EYS: variants seen among roughly 807,000 people sequenced by gnomAD.
EYS encodes EGF-like photoreceptor maintenance factor.
Under a neutral mutation model 282.1 loss-of-function variants are expected in EYS, and 250 were observed. The observed-to-expected ratio is 0.89, with a 90% CI of 0.80 to 0.98. EYS has a LOEUF of 0.98. Ranked by LOEUF, EYS falls within the 50% of genes least tolerant of loss-of-function variation. The probability of loss-of-function intolerance (pLI) is 0.00; values close to 1 mark genes in which losing one functional copy is unlikely to be tolerated. For missense variants in EYS, 4,016 were observed against 3,709.0 expected (o/e 1.08, Z -2.15); for synonymous variants, 1,355 against 1,282.9 (o/e 1.06, Z -1.20).
In EYS at chr6:65,356,606, A is replaced by G. The variant is rs1294074573; in HGVS notation, c.1300-2989T>C. Among the ~76,000 whole-genome samples, 3 of 152,024 alleles carry G rather than the reference A, an allele frequency of 2.0e-5. No homozygotes were observed. In the East Asian group the frequency reaches 5.8e-4, roughly 29 times the overall value. ...ATATATTTCAATGGGTGCCTGAACAATTTATCTGTACTTATACCCTTCTAT... is the reference window on the plus strand; with the variant it reads ...ATATATTTCAATGGGTGCCTGAACAGTTTATCTGTACTTATACCCTTCTAT... On this transcript the variant is annotated intron_variant, in intron 8 of 42. Coordinates refer to ENST00000503581, the MANE Select transcript of EYS (RefSeq NM_001142800.2).
chr6:64,311,973 CAGA>C (rs1013081219), intron 29 of EYS, among the ~76,000 whole-genome samples: 5 of 100,930 alleles, frequency 5.0e-5, no homozygotes, highest in African/African-American at 2.4e-4. Context: ...GAGCTAGCTG[CAGA>C]AGGTTTTTTT....
intron 2 of EYS, among the ~76,000 whole-genome samples, chr6:65,598,899 G>A (rs1198523461): frequency 1.3e-5 from 2 of 152,114 alleles, no homozygotes; most frequent in South Asian, 2.1e-4. Context: ...AATAGTATGA[G>A]TTAGGGTCAT....
At chr6:64,558,970 G>A (rs1440384009) in intron 26 of EYS, among the ~76,000 whole-genome samples, 2 of 152,288 alleles carry the variant, frequency 1.3e-5, no homozygotes, top group African/African-American at 4.8e-5. Flanking sequence ...AGAAAGATAA[G>A]AGTGTCCCAC....
rs73765704 is a variant in EYS, at chr6:64,983,437, T to C, written c.2259+14145A>G. On this transcript the variant is annotated intron_variant, in intron 14 of 42. Coordinates refer to ENST00000503581, the MANE Select transcript of EYS (RefSeq NM_001142800.2). ...AGGATAAATAGATAATAAATATATA[T>C]AGCTTCACTCAATTGAGTCAATACA... is the stretch of plus-strand genomic sequence containing the variant. Among the ~76,000 whole-genome samples the C allele has an allele frequency of 2.1e-3, 317 of 151,368 alleles. 4 individuals are homozygous for C. The highest frequency in any genetic ancestry group is 7.1e-3 in the African/African-American group (295 of 41,456).
Position 65,467,427 on chromosome 6 carries a change from G to A in EYS, c.862+23167C>T, listed in dbSNP as rs969301745. On this transcript the variant is annotated intron_variant, in intron 5 of 42. Coordinates refer to ENST00000503581, the MANE Select transcript of EYS (RefSeq NM_001142800.2). ...ATTCAATGCCATTTCCTTACCAAAA[G>A]ACTAACAGTTATAAAAAAAAATCAG... 2.0e-5 allele frequency among the ~76,000 whole-genome samples: 3 copies of A among 151,228 alleles called. No homozygotes were observed. The South Asian group carries it at 6.2e-4, about 31-fold the overall frequency.
intron 21 of EYS, among the ~76,000 whole-genome samples, chr6:64,815,066 C>T (rs1273817376): frequency 4.0e-5 from 6 of 151,894 alleles, no homozygotes; most frequent in African/African-American, 7.2e-5. Context: ...GATTAATTAG[C>T]GTCATCCACA....
intron 15 of EYS, among the ~76,000 whole-genome samples, chr6:64,940,842 A>G (rs1769066108): frequency 1.3e-5 from 2 of 152,118 alleles, no homozygotes; most frequent in South Asian, 4.1e-4. Context: ...CATTTGTGAA[A>G]AGTTTTACAG....
intron 1 of EYS, among the ~76,000 whole-genome samples, chr6:65,663,866 C>CT (rs66999581): frequency 0.054 from 4,109 of 75,808 alleles, 295 homozygotes; most frequent in East Asian, 0.23. Context: ...TTTTTCTTTT[C>CT]TTTTTTTTTT....
chr6:63,793,718 C>T (rs959940535), intron 37 of EYS, among the ~76,000 whole-genome samples: 7 of 152,142 alleles, frequency 4.6e-5, no homozygotes, highest in African/African-American at 1.7e-4. Context: ...AACGGCATTT[C>T]TCCCTGCTTT....
intron 26 of EYS, among the ~76,000 whole-genome samples, chr6:64,450,656 T>C (rs1775296687): frequency 1.3e-5 from 2 of 151,994 alleles, no homozygotes; most frequent in Admixed American, 6.6e-5. Flanking sequence ...TAACAAACTC[T>C]CTCTCAGACC....
intron 26 of EYS, among the ~76,000 whole-genome samples, chr6:64,583,807 T>A (rs1405490500): frequency 6.6e-6 from 1 of 151,366 alleles, no homozygotes; most frequent in Non-Finnish European, 1.5e-5. Flanking sequence ...AAAAAAAAAA[T>A]GTGATTAATT....
intron 8 of EYS, among the ~76,000 whole-genome samples, chr6:65,355,274 A>T (rs1487796038): frequency 1.3e-5 from 2 of 151,356 alleles, no homozygotes; most frequent in Non-Finnish European, 2.9e-5. Flanking sequence ...ACACTGCTTC[A>T]GTGACTGGTC....
At chr6:63,795,167 G>A (rs904102413) in intron 37 of EYS, among the ~76,000 whole-genome samples, 2 of 152,178 alleles carry the variant, frequency 1.3e-5, no homozygotes, top group Non-Finnish European at 2.9e-5. Context: ...AGTATGTTGT[G>A]GCAAGCCATG....
chr6:65,251,465 A>C (rs1174512374), intron 12 of EYS, among the ~76,000 whole-genome samples: 2 of 151,406 alleles, frequency 1.3e-5, no homozygotes, highest in East Asian at 1.9e-4. Context: ...ACAAAAAAAA[A>C]CAACAAAAAT....
chr6:65,086,021 TCTC>T (rs146443553), intron 12 of EYS, among the ~76,000 whole-genome samples: 63 of 144,314 alleles, frequency 4.4e-4, no homozygotes, highest in African/African-American at 1.6e-3. Flanking sequence ...ATCCTCACCT[TCTC>T]CTCTTTTTTT....
intron 30 of EYS, among the ~76,000 whole-genome samples, chr6:64,262,128 T>G (rs1052550198): frequency 6.6e-6 from 1 of 152,036 alleles, no homozygotes; most frequent in African/African-American, 2.4e-5. Context: ...GATCTAAGTT[T>G]CCTAACAATG....
chr6:65,206,785 C>A (rs1331010482), intron 12 of EYS, among the ~76,000 whole-genome samples: 1 of 151,732 alleles, frequency 6.6e-6, no homozygotes, highest in East Asian at 1.9e-4. Flanking sequence ...ATTTGATTGT[C>A]TTAATAGATT....
chr6:64,557,412 C>A (rs1765267503), intron 26 of EYS, among the ~76,000 whole-genome samples: 1 of 151,944 alleles, frequency 6.6e-6, no homozygotes, highest in South Asian at 2.1e-4. Context: ...AAAACTACTT[C>A]ATTCTCCAAA....
At chr6:64,339,281 T>C (rs1176262770) in intron 29 of EYS, among the ~76,000 whole-genome samples, 1 of 150,240 alleles carries the variant, frequency 6.7e-6, no homozygotes, top group East Asian at 2.0e-4. Context: ...AACATATCAG[T>C]AAGAAAAAAA....
Sources: gnomAD v4.1 joint callset for allele counts (sites outside exome capture counted in the v4.1 genomes callset) on GRCh38, gnomAD v4.1.1 for gene constraint, MANE v1.5 for transcripts, NCBI Gene and HGNC (gene_info 2026-07-23, HGNC 2026-07-21) for gene names.